SLITRK4: variants seen among roughly 807,000 people sequenced by gnomAD.
SLITRK4 encodes SLIT and NTRK-like protein 4.
In SLITRK4, 7 loss-of-function variants were observed where a neutral mutation model predicts 34.7. That is an observed-to-expected ratio of 0.20 (90% CI 0.11 to 0.38). SLITRK4 has a LOEUF of 0.38. SLITRK4 is among the 10% of genes least tolerant of loss of function. The pLI is 1.00. For missense variants in SLITRK4, 474 were observed against 607.0 expected (o/e 0.78, Z 2.30); for synonymous variants, 237 against 246.2 (o/e 0.96, Z 0.35).
chrX:143,624,907 C>G lies in SLITRK4; in HGVS notation c.*3688G>C, dbSNP rs782733381. On this transcript the variant is annotated 3_prime_UTR_variant, in exon 2 of 2. Transcript: ENST00000356928. Reference sequence around the variant, plus strand: ...ACTGATAATCAAATCAGGGTAAAAACAATACAATATTTTTTTTACTTTATT... The same window carrying G: ...ACTGATAATCAAATCAGGGTAAAAAGAATACAATATTTTTTTTACTTTATT... 9.0e-6 allele frequency: 1 copy of G among 111,051 alleles called. No individual in the cohort carries two copies. Among genetic ancestry groups the G allele is most frequent in the Middle Eastern group, 4.7e-3 (1 of 215 alleles). 9.2% of individuals were successfully genotyped at this position (111,051 alleles called of 1,213,427 possible). A position where few individuals can be genotyped will look rare whatever the true frequency, so the allele number is the denominator to read the frequency against.
chrX:143,628,376 G>A lies in SLITRK4; in HGVS notation c.*219C>T, dbSNP rs1930884729. 8.2e-6 allele frequency: 3 copies of A among 367,302 alleles called. No homozygotes were observed. The East Asian group carries it at 1.2e-4, about 15-fold the overall frequency. 30.3% of individuals were successfully genotyped at this position (367,302 alleles called of 1,213,427 possible). On this transcript the variant is annotated 3_prime_UTR_variant, in exon 2 of 2. Transcript: ENST00000356928. Reference sequence around the variant, plus strand: ...CATCCCTTTGGCAATAGAGTTTGCAGTATCCCCACAGGACTCCACAGTATA... The same window carrying A: ...CATCCCTTTGGCAATAGAGTTTGCAATATCCCCACAGGACTCCACAGTATA...
At position 143,630,207 on chromosome X, in the gene SLITRK4, G is replaced by A; in HGVS notation, c.902C>T (p.Thr301Ile). The A allele has an allele frequency of 1.7e-6, 2 of 1,211,758 alleles. No homozygotes were observed. The highest frequency in any genetic ancestry group is 2.2e-6 in the Non-Finnish European group (2 of 895,560). Residue 301 changes from threonine (T) to isoleucine (I), a missense_variant, in exon 2 of 2, where the codon ACT becomes ATT. By Grantham distance (89) the Thr-to-Ile change is moderately conservative. Coordinates refer to ENST00000356928, the MANE Select transcript of SLITRK4 (RefSeq NM_001184749.3). ...TTQTSLHRLV[T>I]KPPKTTNPSK... is the part of the protein sequence containing the mutation. Reference sequence around the variant, plus strand: ...AGGATTTGTTGTTTTTGGTGGTTTAGTTACTAATCTGTGTAAAGATGTTTG... The same window carrying A: ...AGGATTTGTTGTTTTTGGTGGTTTAATTACTAATCTGTGTAAAGATGTTTG...
At position 143,628,130 on chromosome X, in the gene SLITRK4, T is replaced by TTTTTTTTTTTTTTTTTTTTTTTTTTG; in HGVS notation, c.*464_*465insCAAAAAAAAAAAAAAAAAAAAAAAAA. Reference sequence around the variant, plus strand: ...TTTTTTTTTTTTTTTTTTTTTTTACTTTTCAGATAATCTTTACACGGAGTT... The same window carrying TTTTTTTTTTTTTTTTTTTTTTTTTTG: ...TTTTTTTTTTTTTTTTTTTTTTTACTTTTTTTTTTTTTTTTTTTTTTTTTTGTTTCAGATAATCTTTACACGGAGTT... On this transcript the variant is annotated 3_prime_UTR_variant, in exon 2 of 2. Coordinates refer to ENST00000356928, the MANE Select transcript of SLITRK4 (RefSeq NM_001184749.3). 5.2e-6 allele frequency: 1 copy of TTTTTTTTTTTTTTTTTTTTTTTTTTG among 193,023 alleles called. No individual in the cohort carries two copies. The highest frequency in any genetic ancestry group is 8.8e-6 in the Non-Finnish European group (1 of 113,518). 15.9% of individuals were successfully genotyped at this position (193,023 alleles called of 1,213,427 possible).
At position 143,627,725 on chromosome X, in the gene SLITRK4, TG is replaced by T; in HGVS notation, c.*869del. The T allele has an allele frequency of 9.0e-6, 1 of 111,370 alleles. No individual in the cohort carries two copies. Among genetic ancestry groups the T allele is most frequent in the Middle Eastern group, 4.6e-3 (1 of 216 alleles). The allele number at this position is 111,370 out of a possible 1,213,427, so 9.2% of individuals were successfully genotyped here. On this transcript the variant is annotated 3_prime_UTR_variant, in exon 2 of 2. Transcript: ENST00000356928. The stretch of plus-strand genomic sequence containing the variant: ...ATGAATTATGTTACAAAAATAGCTT[TG>T]GGTGCGCTCACACAGTAAGCACTCT...
At position 143,629,164 on chromosome X, in the gene SLITRK4, G is replaced by A; in HGVS notation, c.1945C>T (p.Pro649Ser). Residue 649 changes from proline (P) to serine (S), a missense_variant, in exon 2 of 2, where the codon CCC becomes TCC. Pro to Ser is a moderately conservative substitution (Grantham distance 74). Around this residue, in one of 3 missense-constraint regions of SLITRK4, gnomAD observed 345 missense variants for 406.5 expected, o/e 0.85. Transcript: ENST00000356928. Reference protein sequence around the residue: ...LVFVLRRNKKPTVKHEGLGNP... With the variant: ...LVFVLRRNKKSTVKHEGLGNP... ...CCCAGGCCTTCGTGCTTCACTGTGG[G>A]TTTCTTGTTGCGTCGCAGGACAAAA... 1.7e-6 allele frequency: 2 copies of A among 1,211,588 alleles called. No individual in the cohort carries two copies. The highest frequency in any genetic ancestry group is 2.2e-5 in the Admixed American group (1 of 46,001).
intron 1 of SLITRK4, among the ~76,000 whole-genome samples, chrX:143,633,308 A>T (rs1931109661): frequency 9.0e-6 from 1 of 111,459 alleles, no homozygotes. Context: ...AGGAAGAAAA[A>T]GAACTCGGAG....
In SLITRK4 at chrX:143,628,145, T is replaced by C; in HGVS notation, c.*450A>G. The C allele has an allele frequency of 7.3e-6, 1 of 136,228 alleles. No individual in the cohort carries two copies. The highest frequency in any genetic ancestry group is 1.3e-5 in the Non-Finnish European group (1 of 74,581). The allele number at this position is 136,228 out of a possible 1,213,427, so 11.2% of individuals were successfully genotyped here. ...TTTTTTTTACTTTTCAGATAATCTT[T>C]ACACGGAGTTGTTACAATGCCACAA... On this transcript the variant is annotated 3_prime_UTR_variant, in exon 2 of 2. Coordinates refer to ENST00000356928, the MANE Select transcript of SLITRK4 (RefSeq NM_001184749.3).
At position 143,629,938 on chromosome X, in the gene SLITRK4, C is replaced by T; in HGVS notation, c.1171G>A (p.Asp391Asn). ...TCAGTGAAGTCTGATACGTCCACATCCTTGATGCTATTGCCATTGACGTGC... is the reference window on the plus strand; with the variant it reads ...TCAGTGAAGTCTGATACGTCCACATTCTTGATGCTATTGCCATTGACGTGC... The part of the protein sequence containing the change: ...KLHVNGNSIK[D>N]VDVSDFTDFE... Residue 391 changes from aspartate (D) to asparagine (N), a missense_variant, in exon 2 of 2, where the codon GAT (aspartate) becomes AAT (asparagine). By Grantham distance (23) the Asp-to-Asn change is conservative. This residue lies in a region of SLITRK4 where 345 missense variants were observed against 406.5 expected (regional missense o/e 0.85). Transcript: ENST00000356928. 1 of 1,211,901 alleles carries T rather than the reference C, an allele frequency of 8.3e-7. No homozygotes were observed. The highest frequency in any genetic ancestry group is 1.1e-6 in the Non-Finnish European group (1 of 895,555).
chrX:143,630,680 G>A lies in SLITRK4; in HGVS notation c.429C>T (p.Ile143=). 1 of 1,211,091 alleles carries A rather than the reference G, an allele frequency of 8.3e-7. No individual in the cohort carries two copies. Among genetic ancestry groups the A allele is most frequent in the South Asian group, 1.8e-5 (1 of 56,774 alleles). Residue 143 remains isoleucine (I), a synonymous_variant, in exon 2 of 2, where the codon ATC becomes ATT. Transcript: ENST00000356928. ...LEYLQADYNL[I]KYIERGAFNK... ...TGAAGGCTCCTCGTTCAATATACTT[G>A]ATTAAATTGTAGTCAGCCTGGAGAT... is the stretch of plus-strand genomic sequence containing the variant.
In SLITRK4 at chrX:143,630,707, C is replaced by T. The variant is rs782759428; in HGVS notation, c.402G>A (p.Glu134=). Residue 134 remains glutamate (E), a synonymous_variant, in exon 2 of 2, where the codon GAG becomes GAA. Coordinates refer to ENST00000356928, the MANE Select transcript of SLITRK4 (RefSeq NM_001184749.3). ...TTAAATTGTAGTCAGCCTGGAGATA[C>T]TCCAAGTTCTCTATGCCAAGGAAAG... is the stretch of plus-strand genomic sequence containing the variant. The part of the protein sequence containing the change: ...ADTFLGIENL[E]YLQADYNLIK... The T allele has an allele frequency of 3.3e-6, 4 of 1,208,467 alleles. No individual in the cohort carries two copies. In the African/African-American group the frequency reaches 7.0e-5, roughly 21 times the overall value.
At position 143,628,994 on chromosome X, in the gene SLITRK4, T is replaced by C. The variant is rs782414224; in HGVS notation, c.2115A>G (p.Ser705=). The part of the protein sequence containing the change: ...SKSHTCGLKE[S]ETGFMFSDPP... ...GATCTGAAAACATGAACCCAGTTTCTGACTCTTTCAAGCCACAAGTGTGGC... is the reference window on the plus strand; with the variant it reads ...GATCTGAAAACATGAACCCAGTTTCCGACTCTTTCAAGCCACAAGTGTGGC... The change falls in exon 2 of 2, where the codon TCA becomes TCG. Residue 705 remains serine, a synonymous_variant. Transcript: ENST00000356928. 1 of 1,211,717 alleles carries C rather than the reference T, an allele frequency of 8.3e-7. No individual in the cohort carries two copies. Among genetic ancestry groups the C allele is most frequent in the Non-Finnish European group, 1.1e-6 (1 of 895,528 alleles).
chrX:143,635,923 G>A lies in SLITRK4; in HGVS notation c.-239C>T, dbSNP rs903078790. 6 of 109,009 alleles carry A rather than the reference G, an allele frequency of 5.5e-5. No individual in the cohort carries two copies. In the East Asian group the frequency reaches 1.5e-3, roughly 27 times the overall value. The allele number at this position is 109,009 out of a possible 1,213,427, so 9.0% of individuals were successfully genotyped here. On this transcript the variant is annotated 5_prime_UTR_variant, in exon 1 of 2. Coordinates refer to ENST00000356928, the MANE Select transcript of SLITRK4 (RefSeq NM_001184749.3). ...AGTGTGAGGCTTTAGCCTAAAGTGA[G>A]ACTATTTAGCCGGGTTAGAAGGAGA...
In SLITRK4 at chrX:143,629,692, G is replaced by A; in HGVS notation, c.1417C>T (p.Pro473Ser). The change falls in exon 2 of 2, where the codon CCA (proline) becomes TCA (serine). Residue 473 changes from proline (P) to serine (S), a missense_variant. By Grantham distance (74) the Pro-to-Ser change is moderately conservative (BLOSUM62 -1). Around this residue, in one of 3 missense-constraint regions of SLITRK4, gnomAD observed 345 missense variants for 406.5 expected, o/e 0.85. Transcript: ENST00000356928. Reference protein sequence around the residue: ...EISAGTFDSMPNLQLLYLNNN... With the variant: ...EISAGTFDSMSNLQLLYLNNN... ...TTTAAGTACAGTAACTGCAAATTTG[G>A]CATGGAGTCAAAGGTGCCTGCTGAG... 8.3e-7 allele frequency: 1 copy of A among 1,211,333 alleles called. No individual in the cohort carries two copies. Among genetic ancestry groups the A allele is most frequent in the Non-Finnish European group, 1.1e-6 (1 of 895,289 alleles).
chrX:143,635,616 C>G (rs1252746470), intron 1 of SLITRK4, 119 bp downstream of exon 1: 2 of 108,633 alleles, frequency 1.8e-5, no homozygotes, highest in African/African-American at 6.7e-5. Context: ...CGAGGGAGAT[C>G]GATAGGGTCG....
chrX:143,630,368 G>A lies in SLITRK4; in HGVS notation c.741C>T (p.Asp247=). Residue 247 remains aspartate (D), a synonymous_variant, in exon 2 of 2, where the codon GAC becomes GAT. Transcript: ENST00000356928. ...IGEAICETPS[D]LYGRLLKETN... ...TTTCTTTTAAAAGCCTTCCATATAA[G>A]TCACTGGGAGTTTCACAGATAGCTT... 8.3e-7 allele frequency: 1 copy of A among 1,211,413 alleles called. No homozygotes were observed. The highest frequency in any genetic ancestry group is 1.7e-5 in the African/African-American group (1 of 57,611).
At position 143,625,227 on chromosome X, in the gene SLITRK4, A is replaced by G. The variant is rs1430192308; in HGVS notation, c.*3368T>C. ...CAACAAAAGAAAGATGGTCTTAAAT[A>G]AATTTCTAATTCATATATTTTTTCA... On this transcript the variant is annotated 3_prime_UTR_variant, in exon 2 of 2. Transcript: ENST00000356928. 3.9e-4 allele frequency: 43 copies of G among 111,381 alleles called. No homozygotes were observed. Among genetic ancestry groups the G allele is most frequent in the Non-Finnish European group, 7.6e-5 (4 of 52,759 alleles). 9.2% of individuals were successfully genotyped at this position (111,381 alleles called of 1,213,427 possible).
rs1556425351 is a variant in SLITRK4 at position 143,625,785 on chromosome X, T to C, written c.*2810A>G. 1 of 111,959 alleles carries C rather than the reference T, an allele frequency of 8.9e-6. No individual in the cohort carries two copies. The highest frequency in any genetic ancestry group is 1.9e-5 in the Non-Finnish European group (1 of 52,936). 9.2% of individuals were successfully genotyped at this position (111,959 alleles called of 1,213,427 possible). A position where few individuals can be genotyped will look rare whatever the true frequency, so the allele number is the denominator to read the frequency against. On this transcript the variant is annotated 3_prime_UTR_variant, in exon 2 of 2. Coordinates refer to ENST00000356928, the MANE Select transcript of SLITRK4 (RefSeq NM_001184749.3). The stretch of plus-strand genomic sequence containing the variant: ...AATGAGAGACAGGTGCAAAATTGTA[T>C]ACACTATATAATGTAGGCACAATGA...
chrX:143,627,978 T>C lies in SLITRK4; in HGVS notation c.*617A>G. Reference sequence around the variant, plus strand: ...TATTTTATAGTTATGTAATGTATGTTATATTTTAAACAAGTATTTGCACAA... The same window carrying C: ...TATTTTATAGTTATGTAATGTATGTCATATTTTAAACAAGTATTTGCACAA... On this transcript the variant is annotated 3_prime_UTR_variant, in exon 2 of 2. Coordinates refer to ENST00000356928, the MANE Select transcript of SLITRK4 (RefSeq NM_001184749.3). 3.8e-6 allele frequency: 1 copy of C among 263,489 alleles called. No individual in the cohort carries two copies. The highest frequency in any genetic ancestry group is 6.6e-6 in the Non-Finnish European group (1 of 150,382). The allele number at this position is 263,489 out of a possible 1,213,427, so 21.7% of individuals were successfully genotyped here.
Position 143,628,661 on chromosome X carries a change from C to T in SLITRK4, c.2448G>A (p.Ala816=), listed in dbSNP as rs782705304. 19 of 1,208,510 alleles carry T rather than the reference C, an allele frequency of 1.6e-5. No homozygotes were observed. The highest frequency in any genetic ancestry group is 1.2e-4 in the African/African-American group (7 of 57,175). ...QRKSEYFELK[A]KLQSSPDYLQ... ...GGTAGTCAGGGGAACTCTGCAGTTT[C>T]GCCTTCAGTTCAAAATACTCACTCT... is the stretch of plus-strand genomic sequence containing the variant. The change falls in exon 2 of 2, where the codon GCG becomes GCA. Residue 816 remains alanine (A), a synonymous_variant. Transcript: ENST00000356928.
Sources: allele counts gnomAD v4.1 joint callset (sites outside exome capture counted in the v4.1 genomes callset), GRCh38; gene constraint gnomAD v4.1.1; regional missense constraint gnomAD v4.1.1; transcripts MANE v1.5; gene names NCBI Gene and HGNC (gene_info 2026-07-23, HGNC 2026-07-21).